FANCE: variants seen among roughly 807,000 people sequenced by gnomAD.
FANCE encodes FA complementation group E.
A neutral mutation model predicts 57.8 loss-of-function variants in FANCE; 42 were observed. That is an observed-to-expected ratio of 0.73 (90% confidence interval 0.57 to 0.94). The LOEUF is 0.94. Among genes scored for constraint, FANCE ranks in the 40% least tolerant of loss-of-function variants. The pLI, the probability that FANCE is intolerant of heterozygous loss-of-function variation, is 0.00. For synonymous variants in FANCE, 251 were observed against 286.4 expected, an observed-to-expected ratio of 0.88 and a Z score of 1.25; for missense variants, 608 against 661.8, an observed-to-expected ratio of 0.92 and a Z score of 0.89.
Position 35,455,514 on chromosome 6 carries a change from T to C in FANCE, c.249-233T>C, listed in dbSNP as rs143178847. 2.4e-3 allele frequency among the ~76,000 whole-genome samples: 367 copies of C among 152,250 alleles called. 2 individuals are homozygous for C. Among genetic ancestry groups the C allele is most frequent in the African/African-American group, 8.2e-3 (342 of 41,542 alleles). On this transcript the variant is annotated intron_variant, in intron 1 of 9. Coordinates refer to ENST00000229769, the MANE Select transcript of FANCE (RefSeq NM_021922.3). ...TTAGTAGAGACGGAGTTTCACCATG[T>C]TGGCCATGCAGGTCTTGAACTCTTA...
chr6:35,458,097 G>T, intron 4 of FANCE, 113 bp downstream of exon 4: 2 of 1,280,408 alleles, frequency 1.6e-6, no homozygotes, highest in African/African-American at 1.5e-5. Context: ...GGATTTTGTT[G>T]TTTTCTCTCT....
chr6:35,456,223 T>C lies in FANCE; in HGVS notation c.725T>C (p.Leu242Pro). ...CCCGAACATAAGTCACTGGAATCCCTGGCAGATGGAGGAAGTGCATCTCCT... is the reference window on the plus strand; with the variant it reads ...CCCGAACATAAGTCACTGGAATCCCCGGCAGATGGAGGAAGTGCATCTCCT... ...ERPEHKSLESLADGGSASPIK... is the reference protein window; with the variant it reads ...ERPEHKSLESPADGGSASPIK... Residue 242 changes from leucine (L) to proline (P), a missense_variant, in exon 2 of 10, where the codon CTG (leucine) becomes CCG (proline). Coordinates refer to ENST00000229769, the MANE Select transcript of FANCE (RefSeq NM_021922.3). The surrounding 1 kb of genome is among the most constrained non-coding windows in gnomAD (Gnocchi z 4.3). The C allele has an allele frequency of 6.2e-7, 1 of 1,614,160 alleles. No homozygotes were observed. The highest frequency in any genetic ancestry group is 8.5e-7 in the Non-Finnish European group (1 of 1,180,034).
intron 8 of FANCE, among the ~76,000 whole-genome samples, chr6:35,460,941 T>TA (rs1444386322): frequency 1.3e-5 from 2 of 152,062 alleles, no homozygotes; most frequent in East Asian, 1.9e-4. Flanking sequence ...TTTTTTTAGA[T>TA]AGAGTCTGGC....
Position 35,452,465 on chromosome 6 carries a change from G to T in FANCE, c.-81G>T. 1 of 1,192,712 alleles carries T rather than the reference G, an allele frequency of 8.4e-7. No individual in the cohort carries two copies. The highest frequency in any genetic ancestry group is 1.0e-6 in the Non-Finnish European group (1 of 958,418). The allele number at this position is 1,192,712 out of a possible 1,614,324, so 73.9% of individuals were successfully genotyped here. ...CCGCCACCGCCGCGTCAGGGACGGC[G>T]CTGGAGTCCTCCGTTCCCCTCAGCC... On this transcript the variant is annotated 5_prime_UTR_variant, in exon 1 of 10. Transcript: ENST00000229769.
At position 35,466,729 on chromosome 6, in the gene FANCE, T is replaced by C; in HGVS notation, c.*384T>C. The C allele has an allele frequency of 5.5e-6, 2 of 364,406 alleles. No individual in the cohort carries two copies. The highest frequency in any genetic ancestry group is 4.9e-5 in the East Asian group (1 of 20,538). 22.6% of individuals were successfully genotyped at this position (364,406 alleles called of 1,614,324 possible). ...ACATGCACATGACACTATGCCCAGC[T>C]AATTTTTTATTTTGTAGATAATATG... On this transcript the variant is annotated 3_prime_UTR_variant, in exon 10 of 10. Transcript: ENST00000229769.
rs761119961 is a variant in FANCE at position 35,456,260 on chromosome 6, G to A, written c.762G>A (p.Gln254=). ...GAAGTGCATCTCCTATTAAGGACCAGCCTGTCATGGCAGTTAAGACTGGCG... is the reference window on the plus strand; with the variant it reads ...GAAGTGCATCTCCTATTAAGGACCAACCTGTCATGGCAGTTAAGACTGGCG... ...DGGSASPIKD[Q]PVMAVKTGED... The change falls in exon 2 of 10, where the codon CAG becomes CAA. Residue 254 remains glutamine, a synonymous_variant. Coordinates refer to ENST00000229769, the MANE Select transcript of FANCE (RefSeq NM_021922.3). This position sits in a 1 kb window ranked among gnomAD's most constrained non-coding sequence, Gnocchi z 4.3. 2 of 1,614,224 alleles carry A rather than the reference G, an allele frequency of 1.2e-6. No homozygotes were observed. Among genetic ancestry groups the A allele is most frequent in the Non-Finnish European group, 1.7e-6 (2 of 1,180,030 alleles).
rs532782953 is a variant in FANCE at position 35,466,558 on chromosome 6, T to A, written c.*213T>A. The A allele has an allele frequency of 1.6e-3, 892 of 567,158 alleles. 23 individuals are homozygous for A. In the South Asian group the frequency reaches 0.017, roughly 11 times the overall value. 35.1% of individuals were successfully genotyped at this position (567,158 alleles called of 1,614,324 possible). On this transcript the variant is annotated 3_prime_UTR_variant, in exon 10 of 10. Coordinates refer to ENST00000229769, the MANE Select transcript of FANCE (RefSeq NM_021922.3). Reference sequence around the variant, plus strand: ...CTGGGCTAAGGGAGCTCAGCTATATTTTCTTTTTCATTTCTTTTGTTTTTG... The same window carrying A: ...CTGGGCTAAGGGAGCTCAGCTATATATTCTTTTTCATTTCTTTTGTTTTTG...
At chr6:35,465,261 C>A (rs1228978201) in intron 9 of FANCE, among the ~76,000 whole-genome samples, 1 of 151,966 alleles carries the variant, frequency 6.6e-6, no homozygotes, top group Non-Finnish European at 1.5e-5. Flanking sequence ...GCAACCTCCG[C>A]CTCCTGGGTT....
At chr6:35,465,569 T>A (rs1767798962) in intron 9 of FANCE, among the ~76,000 whole-genome samples, 1 of 152,258 alleles carries the variant, frequency 6.6e-6, no homozygotes, top group African/African-American at 2.4e-5. Context: ...GCCCATTTGA[T>A]GATTTGATGT....
Position 35,456,455 on chromosome 6 carries a change from G to A in FANCE, c.855+102G>A, listed in dbSNP as rs1300620213. ...ACACTTTTTCCCAATGGAGTTGACTGTAGTTCCTGGAGGAAGAAGGAGGAA... is the reference window on the plus strand; with the variant it reads ...ACACTTTTTCCCAATGGAGTTGACTATAGTTCCTGGAGGAAGAAGGAGGAA... On this transcript the variant is annotated intron_variant, in intron 2 of 9. Coordinates refer to ENST00000229769, the MANE Select transcript of FANCE (RefSeq NM_021922.3). The surrounding 1 kb of genome is among the most constrained non-coding windows in gnomAD (Gnocchi z 4.3). 1 of 1,465,532 alleles carries A rather than the reference G, an allele frequency of 6.8e-7. No individual in the cohort carries two copies. Among genetic ancestry groups the A allele is most frequent in the East Asian group, 2.3e-5 (1 of 44,178 alleles). 90.8% of individuals were successfully genotyped at this position (1,465,532 alleles called of 1,614,324 possible).
chr6:35,453,030 T>A (rs1049377751), intron 1 of FANCE, among the ~76,000 whole-genome samples: 2 of 152,254 alleles, frequency 1.3e-5, no homozygotes, highest in Admixed American at 1.3e-4. Flanking sequence ...AAATCACTTT[T>A]GATCGCGTAC....
rs758616595 is a variant in FANCE at position 35,462,881 on chromosome 6, C to T, written c.1476C>T (p.Leu492=). 1 of 1,614,114 alleles carries T rather than the reference C, an allele frequency of 6.2e-7. No homozygotes were observed. The highest frequency in any genetic ancestry group is 1.7e-5 in the Admixed American group (1 of 60,012). The change falls in exon 9 of 10, where the codon CTC becomes CTT. Residue 492 remains leucine (L), a synonymous_variant. Coordinates refer to ENST00000229769, the MANE Select transcript of FANCE (RefSeq NM_021922.3). ...AATTSMAYAK[L]MLTVMTKYQA... is the part of the protein sequence containing the mutation. ...CCACCTCCATGGCCTATGCCAAGCT[C>T]ATGCTGACAGTGATGACCAAGTATC...
At chr6:35,460,672 A>G in intron 8 of FANCE, 54 bp downstream of exon 8, 1 of 1,538,370 alleles carries the variant, frequency 6.5e-7, no homozygotes, top group Admixed American at 1.7e-5. Flanking sequence ...AGTCCTTGGA[A>G]GCACACGGGG....
intron 8 of FANCE, among the ~76,000 whole-genome samples, chr6:35,461,009 A>C (rs1767567611): frequency 6.6e-6 from 1 of 151,816 alleles, no homozygotes; most frequent in Non-Finnish European, 1.5e-5. Flanking sequence ...ACCTCTGCCT[A>C]CTGGGTTCAA....
chr6:35,466,304 A>T lies in FANCE; in HGVS notation c.1570A>T (p.Arg524Trp). ...MALEPNTTFLRKSLKAALKHL... is the reference protein window; with the variant it reads ...MALEPNTTFLWKSLKAALKHL... ...CCTAGAACCTAACACCACCTTCCTG[A>T]GGAAGTCCCTGAAGGCCGCCTTGAA... Residue 524 changes from arginine to tryptophan, a missense_variant, in exon 10 of 10, where the codon AGG (arginine) becomes TGG (tryptophan). By Grantham distance (101) the Arg-to-Trp change is moderately radical. Coordinates refer to ENST00000229769, the MANE Select transcript of FANCE (RefSeq NM_021922.3). 1.2e-6 allele frequency: 2 copies of T among 1,613,990 alleles called. No individual in the cohort carries two copies. The highest frequency in any genetic ancestry group is 1.7e-6 in the Non-Finnish European group (2 of 1,179,878).
At chr6:35,464,847 C>G (rs780161869) in intron 9 of FANCE, among the ~76,000 whole-genome samples, 2 of 150,634 alleles carry the variant, frequency 1.3e-5, no homozygotes, top group Admixed American at 1.3e-4. Context: ...ATTCTCCTGC[C>G]TCAGCCTCCC....
Position 35,459,683 on chromosome 6 carries a change from T to C in FANCE, c.1239T>C (p.Gly413=), listed in dbSNP as rs1304454931. The C allele has an allele frequency of 6.2e-7, 1 of 1,614,070 alleles. No individual in the cohort carries two copies. The highest frequency in any genetic ancestry group is 8.5e-7 in the Non-Finnish European group (1 of 1,179,966). ...CCCCTTCTGCTGTCCTCTACCCAGGTCCTGCTCAAACAGAGTTACTGTGTT... is the reference window on the plus strand; with the variant it reads ...CCCCTTCTGCTGTCCTCTACCCAGGCCCTGCTCAAACAGAGTTACTGTGTT... ...LDPVLQAPGT[G]PAQTELLCCL... The change falls in exon 7 of 10, where the codon GGT becomes GGC. Residue 413 remains glycine (G), a splice_region_variant and synonymous_variant. Transcript: ENST00000229769.
intron 9 of FANCE, among the ~76,000 whole-genome samples, chr6:35,463,242 T>C (rs1230580992): frequency 2.0e-5 from 3 of 152,162 alleles, no homozygotes; most frequent in African/African-American, 7.2e-5. Context: ...GAGGTTGCAG[T>C]GAGCTGAGAT....
intron 4 of FANCE, 33 bp downstream of exon 4, chr6:35,458,017 A>G (rs376417070): frequency 1.1e-5 from 18 of 1,568,134 alleles, no homozygotes; most frequent in Non-Finnish European, 1.5e-5. Context: ...CTCTGAGGTT[A>G]CATTCTCTGT....
Sources: gnomAD v4.1 joint callset for allele counts (sites outside exome capture counted in the v4.1 genomes callset) on GRCh38, gnomAD v4.1.1 for gene constraint, Gnocchi (gnomAD v3.1) non-coding constraint, MANE v1.5 for transcripts, NCBI Gene and HGNC (gene_info 2026-07-23, HGNC 2026-07-21) for gene names.